ALPK2: variants seen among roughly 807,000 people sequenced by gnomAD.
The protein encoded by ALPK2 is alpha-protein kinase 2.
A neutral mutation model predicts 163.1 loss-of-function variants in ALPK2; 127 were observed. The ratio of observed to expected loss-of-function variants is 0.78; its 90% confidence interval spans 0.67 to 0.90. The LOEUF (loss-of-function observed/expected upper bound fraction) is 0.90. ALPK2 is among the 40% of genes least tolerant of loss of function. The pLI is 0.00. For missense variants in ALPK2, 2,360 were observed against 2,589.6 expected, an observed-to-expected ratio of 0.91 and a Z score of 1.92; for synonymous variants, 953 against 959.1, an observed-to-expected ratio of 0.99 and a Z score of 0.12.
In ALPK2 at chr18:58,523,965, CT is replaced by C. The variant is rs1568073964; in HGVS notation, c.5598del (p.Val1867Ter). The C allele has an allele frequency of 6.2e-7, 1 of 1,614,186 alleles. No homozygotes were observed. Among genetic ancestry groups the C allele is most frequent in the East Asian group, 2.2e-5 (1 of 44,878 alleles). On this transcript the variant is annotated frameshift_variant, in exon 7 of 13. Coordinates refer to ENST00000361673, the MANE Select transcript of ALPK2 (RefSeq NM_052947.4). The stretch of plus-strand genomic sequence containing the variant: ...GCTGTGAGGTTAAATTCAGCAGTCA[CT>C]TTTCCGTAGCTGTTCTTGATGCAGC... The part of the protein sequence containing the change: ...YYCCIKNSYG[K>X]VTAEFNLTAE...
chr18:58,522,433 G>A (rs182209691), intron 8 of ALPK2, among the ~76,000 whole-genome samples: 3 of 152,322 alleles, frequency 2.0e-5, no homozygotes, highest in Middle Eastern at 3.4e-3. Context: ...TCCTTAAGAG[G>A]GAAGACACGG....
chr18:58,586,409 G>A (rs374836214), intron 3 of ALPK2, among the ~76,000 whole-genome samples: 4 of 152,212 alleles, frequency 2.6e-5, no homozygotes, highest in African/African-American at 9.7e-5. Flanking sequence ...TCAGGGCTCT[G>A]AAAATTAAAG....
intron 3 of ALPK2, among the ~76,000 whole-genome samples, chr18:58,601,255 CA>C (rs966450213): frequency 1.1e-4 from 15 of 141,370 alleles, no homozygotes; most frequent in African/African-American, 1.3e-4. Context: ...GACTCCATCT[CA>C]AAAAAAAAAG....
chr18:58,484,908 C>G (rs142729074), intron 12 of ALPK2, among the ~76,000 whole-genome samples: 2 of 152,274 alleles, frequency 1.3e-5, no homozygotes, highest in African/African-American at 4.8e-5. Flanking sequence ...GCAACTGATG[C>G]GGGCTTCCTG....
rs1366566278 is a variant in ALPK2 at position 58,538,162 on chromosome 18, C to A, written c.2025G>T (p.Glu675Asp). ...TGAATGGGGACTCCTCCCCAGCAGG[C>A]TCTGAGAAAGCTGGCATCTGGCTGC... is the stretch of plus-strand genomic sequence containing the variant. ...ISCSQMPAFS[E>D]PAGEESPFTG... is the part of the protein sequence containing the mutation. The change falls in exon 5 of 13, where the codon GAG (glutamate) becomes GAT (aspartate). Residue 675 changes from glutamate (E) to aspartate (D), a missense_variant. Physicochemically the swap from Glu to Asp is conservative, Grantham distance 45. Coordinates refer to ENST00000361673, the MANE Select transcript of ALPK2 (RefSeq NM_052947.4). 2 of 1,613,670 alleles carry A rather than the reference C, an allele frequency of 1.2e-6. No individual in the cohort carries two copies. Among genetic ancestry groups the A allele is most frequent in the Non-Finnish European group, 1.7e-6 (2 of 1,180,034 alleles).
At chr18:58,533,896 C>A (rs1192821849) in intron 5 of ALPK2, among the ~76,000 whole-genome samples, 1 of 152,166 alleles carries the variant, frequency 6.6e-6, no homozygotes, top group African/African-American at 2.4e-5. Context: ...TAACAAACGC[C>A]AGCCTCAAAA....
At chr18:58,560,805 G>T (rs892013053) in intron 4 of ALPK2, among the ~76,000 whole-genome samples, 1 of 152,216 alleles carries the variant, frequency 6.6e-6, no homozygotes, top group Non-Finnish European at 1.5e-5. Context: ...ATAGGGAAAA[G>T]AAATAGGGTA....
chr18:58,617,070 C>T, intron 1 of ALPK2, among the ~76,000 whole-genome samples: 1 of 152,174 alleles, frequency 6.6e-6, no homozygotes, highest in South Asian at 2.1e-4. Flanking sequence ...CGGAAGTCTT[C>T]CTCTTCTTCC....
At chr18:58,575,909 C>T (rs1233004461) in intron 4 of ALPK2, among the ~76,000 whole-genome samples, 1 of 152,146 alleles carries the variant, frequency 6.6e-6, no homozygotes, top group African/African-American at 2.4e-5. Flanking sequence ...CATGTTTAGG[C>T]AGGAGATAGT....
chr18:58,613,432 C>T (rs1279205424), intron 1 of ALPK2, among the ~76,000 whole-genome samples: 1 of 152,264 alleles, frequency 6.6e-6, no homozygotes, highest in South Asian at 2.1e-4. Flanking sequence ...TGGTGGCTCA[C>T]GCCTCTCATC....
intron 3 of ALPK2, among the ~76,000 whole-genome samples, chr18:58,585,856 G>T (rs2144205331): frequency 6.6e-6 from 1 of 152,082 alleles, no homozygotes; most frequent in Non-Finnish European, 1.5e-5. Flanking sequence ...GCTAATTTTT[G>T]TATTTTTAGT....
chr18:58,550,851 A>AACATACAACCCCATCCCCACCTCCATC (rs1602213575), intron 4 of ALPK2, among the ~76,000 whole-genome samples: 4 of 41,422 alleles, frequency 9.7e-5, no homozygotes, highest in Non-Finnish European at 2.0e-4. Context: ...TCATCTCCAA[A>AACATACAACCCCATCCCCACCTCCATC]ACATACAACC....
chr18:58,499,009 A>G (rs2051417472), intron 11 of ALPK2, among the ~76,000 whole-genome samples: 1 of 152,140 alleles, frequency 6.6e-6, no homozygotes, highest in African/African-American at 2.4e-5. Flanking sequence ...TTTTCAATTC[A>G]GGACTGAAGG....
At chr18:58,531,678 C>T (rs72935478) in intron 5 of ALPK2, among the ~76,000 whole-genome samples, 14,473 of 139,054 alleles carry the variant, frequency 0.1, 829 homozygotes, top group Middle Eastern at 0.18. Context: ...GACGGGCATG[C>T]GGGCATGGTG....
rs568754380 is a variant in ALPK2, at chr18:58,529,510, A to G, written c.5354-272T>C. ...AAATAGAACTTGAGAGATTTTTTCT[A>G]AAGGGGATGAGAGGTGGGAGGATTT... On this transcript the variant is annotated intron_variant, in intron 5 of 12. Coordinates refer to ENST00000361673, the MANE Select transcript of ALPK2 (RefSeq NM_052947.4). Among the ~76,000 whole-genome samples the G allele has an allele frequency of 6.6e-5, 10 of 152,280 alleles. No homozygotes were observed. The South Asian group carries it at 2.1e-3, about 32-fold the overall frequency.
At chr18:58,541,307 C>T (rs575906487) in intron 4 of ALPK2, among the ~76,000 whole-genome samples, 41 of 152,348 alleles carry the variant, frequency 2.7e-4, no homozygotes, top group African/African-American at 9.1e-4. Context: ...GTGCCGCACA[C>T]TTTTAAACAA....
chr18:58,481,726 C>G lies in ALPK2; in HGVS notation c.*97G>C. ...GGCTGGGAGTAAGGATTGCCACGCA[C>G]TCTCTGCAGGCTGTATATTCTCTCC... On this transcript the variant is annotated 3_prime_UTR_variant, in exon 13 of 13. Transcript: ENST00000361673. The G allele has an allele frequency of 1.0e-6, 1 of 996,832 alleles. No individual in the cohort carries two copies. The highest frequency in any genetic ancestry group is 1.5e-6 in the Non-Finnish European group (1 of 647,816). 61.7% of individuals were successfully genotyped at this position (996,832 alleles called of 1,614,324 possible).
chr18:58,543,468 C>T (rs1230555406), intron 4 of ALPK2: 2 of 909,740 alleles, frequency 2.2e-6, no homozygotes, highest in Non-Finnish European at 2.6e-6. Flanking sequence ...ATGCGGGGCT[C>T]TGGGTTCCAA....
chr18:58,550,264 C>A (rs1184456963), intron 4 of ALPK2, among the ~76,000 whole-genome samples: 1 of 88,630 alleles, frequency 1.1e-5, no homozygotes, highest in Non-Finnish European at 2.5e-5. Context: ...CTATGACATA[C>A]AACCTCCTTC....
Sources: gnomAD v4.1 joint callset for allele counts (sites outside exome capture counted in the v4.1 genomes callset) on GRCh38, gnomAD v4.1.1 for gene constraint, MANE v1.5 for transcripts, NCBI Gene and HGNC (gene_info 2026-07-23, HGNC 2026-07-21) for gene names.